The following NOL4 variants were observed in gnomAD, a reference collection of about 807,000 sequenced individuals.
NOL4 encodes cancer/testis antigen 125.
In NOL4, 17 loss-of-function variants were observed where a neutral mutation model predicts 75.9. That is an observed-to-expected ratio of 0.22 (90% CI 0.15 to 0.34). The LOEUF (loss-of-function observed/expected upper bound fraction) is 0.34, where lower values mean the gene tolerates loss of function less well. Ranked by LOEUF, NOL4 falls within the 10% of genes least tolerant of loss-of-function variation. The pLI, the probability that NOL4 is intolerant of heterozygous loss-of-function variation, is 1.00. For synonymous variants in NOL4, 292 were observed against 289.9 expected, an observed-to-expected ratio of 1.01 and a Z score of -0.07; for missense variants, 614 against 793.5, an observed-to-expected ratio of 0.77 and a Z score of 2.72.
At chr18:33,984,273 C>T (rs1408068730) in intron 6 of NOL4, among the ~76,000 whole-genome samples, 1 of 151,856 alleles carries the variant, frequency 6.6e-6, no homozygotes, top group African/African-American at 2.4e-5. Context: ...CATATCTTAC[C>T]CTAGGGTCAA....
At chr18:33,877,890 C>G (rs929039393) in intron 10 of NOL4, among the ~76,000 whole-genome samples, 1 of 151,466 alleles carries the variant, frequency 6.6e-6, no homozygotes, top group Non-Finnish European at 1.5e-5. Context: ...ATTGAGGATA[C>G]TATGAGAGTG....
At chr18:34,171,125 T>A (rs2032994129) in intron 1 of NOL4, among the ~76,000 whole-genome samples, 1 of 152,176 alleles carries the variant, frequency 6.6e-6, no homozygotes, top group African/African-American at 2.4e-5. Context: ...TAACTGTAGT[T>A]TACCAGATGT....
intron 1 of NOL4, chr18:34,222,190 GCC>G: frequency 2.7e-6 from 4 of 1,465,606 alleles, no homozygotes; most frequent in Non-Finnish European, 3.6e-6. Flanking sequence ...GCCTCGCGGC[GCC>G]TGGGCTAGAG....
chr18:34,047,567 G>A (rs746002147), intron 5 of NOL4, among the ~76,000 whole-genome samples: 3 of 151,912 alleles, frequency 2.0e-5, no homozygotes, highest in Admixed American at 6.6e-5. Context: ...ACATAGTTTT[G>A]AAAAATTCTT....
intron 1 of NOL4, among the ~76,000 whole-genome samples, chr18:34,168,101 G>A (rs556117279): frequency 1.2e-4 from 18 of 151,796 alleles, no homozygotes; most frequent in Admixed American, 2.6e-4. Context: ...ACAAAATCAT[G>A]AATTCAGAAA....
chr18:34,105,612 T>A (rs1191058451), intron 2 of NOL4, among the ~76,000 whole-genome samples: 1 of 152,020 alleles, frequency 6.6e-6, no homozygotes, highest in African/African-American at 2.4e-5. Context: ...CATTTCTTCA[T>A]TGTTGCTTTT....
chr18:34,080,165 T>C (rs2077938912), intron 5 of NOL4, among the ~76,000 whole-genome samples: 1 of 152,226 alleles, frequency 6.6e-6, no homozygotes, highest in Non-Finnish European at 1.5e-5. Flanking sequence ...ATTCATCCTC[T>C]GGATCTCTGT....
chr18:33,931,448 T>G (rs2067684897), intron 9 of NOL4, among the ~76,000 whole-genome samples: 2 of 152,100 alleles, frequency 1.3e-5, no homozygotes, highest in Non-Finnish European at 2.9e-5. Flanking sequence ...TTTAAAGTAG[T>G]GTCTGAGCAC....
chr18:34,170,350 GTATTT>G (rs1034274881), intron 1 of NOL4, among the ~76,000 whole-genome samples: 1 of 151,676 alleles, frequency 6.6e-6, no homozygotes, highest in Non-Finnish European at 1.5e-5. Context: ...GCTAATTTTT[GTATTT>G]TATTTTATTT....
At chr18:34,125,478 C>T (rs2080343559) in intron 2 of NOL4, among the ~76,000 whole-genome samples, 1 of 152,038 alleles carries the variant, frequency 6.6e-6, no homozygotes, top group South Asian at 2.1e-4. Context: ...GACAAAAATT[C>T]TGGGAATTTT....
intron 6 of NOL4, among the ~76,000 whole-genome samples, chr18:33,969,166 A>C (rs1490510510): frequency 6.6e-6 from 1 of 152,072 alleles, no homozygotes; most frequent in Non-Finnish European, 1.5e-5. Flanking sequence ...TGTTTTCTTC[A>C]TTGATATCAA....
intron 9 of NOL4, among the ~76,000 whole-genome samples, chr18:33,892,009 A>C (rs1354509473): frequency 6.6e-6 from 1 of 152,178 alleles, no homozygotes; most frequent in Non-Finnish European, 1.5e-5. Flanking sequence ...GCAAAAGTTT[A>C]ATATAAAGTT....
intron 9 of NOL4, among the ~76,000 whole-genome samples, chr18:33,942,586 T>A (rs1257034000): frequency 6.6e-6 from 1 of 151,960 alleles, no homozygotes; most frequent in Non-Finnish European, 1.5e-5. Context: ...ATTATGTATA[T>A]CCTCATTTTG....
At chr18:34,027,644 T>A (rs1187147170) in intron 5 of NOL4, among the ~76,000 whole-genome samples, 1 of 152,172 alleles carries the variant, frequency 6.6e-6, no homozygotes, top group Non-Finnish European at 1.5e-5. Flanking sequence ...TATATTGTAT[T>A]ATACACTAAT....
At position 33,883,299 on chromosome 18, in the gene NOL4, A is replaced by G. The variant is rs1005062229; in HGVS notation, c.1668T>C (p.His556=). ...GACCCCCTCCTAGCCCTCTGTAACT[A>G]TGGTAACTATAGGTCCCATTTCCAT... The part of the protein sequence containing the change: ...YINGNGTYSY[H]SYRGLGGGLL... Residue 556 remains histidine (H), a synonymous_variant, in exon 10 of 11, where the codon CAT becomes CAC. Transcript: ENST00000261592. 3.1e-6 allele frequency: 5 copies of G among 1,612,976 alleles called. No homozygotes were observed. The highest frequency in any genetic ancestry group is 4.2e-6 in the Non-Finnish European group (5 of 1,179,330).
intron 6 of NOL4, among the ~76,000 whole-genome samples, chr18:33,974,993 G>T (rs1279851751): frequency 2.0e-5 from 3 of 152,174 alleles, no homozygotes; most frequent in Non-Finnish European, 4.4e-5. Flanking sequence ...GCCTTAAAAA[G>T]TAAGGAAATC....
chr18:33,881,408 T>C (rs1164091511), intron 10 of NOL4, among the ~76,000 whole-genome samples: 1 of 150,386 alleles, frequency 6.6e-6, no homozygotes, highest in Non-Finnish European at 1.5e-5. Flanking sequence ...CTATGTTGAA[T>C]AGGAGTGGTG....
chr18:34,138,287 A>C (rs1287607683), intron 1 of NOL4, among the ~76,000 whole-genome samples: 1 of 152,110 alleles, frequency 6.6e-6, no homozygotes, highest in African/African-American at 2.4e-5. Flanking sequence ...CTGTAGTCCC[A>C]GATGCTCAGG....
chr18:34,065,582 G>T (rs1039111754), intron 5 of NOL4, among the ~76,000 whole-genome samples: 12 of 151,718 alleles, frequency 7.9e-5, no homozygotes, highest in Admixed American at 7.2e-4. Flanking sequence ...TAAGGATTCT[G>T]GCATGCAAAT....
Sources: allele counts gnomAD v4.1 joint callset (sites outside exome capture counted in the v4.1 genomes callset), GRCh38; gene constraint gnomAD v4.1.1; transcripts MANE v1.5; gene names NCBI Gene and HGNC (gene_info 2026-07-23, HGNC 2026-07-21).